JMY: variants seen among roughly 807,000 people sequenced by gnomAD.
JMY encodes the protein junction mediating and regulatory protein, p53 cofactor.
In JMY, 46 loss-of-function variants were observed where a neutral mutation model predicts 103.3. The observed-to-expected ratio is 0.45, with a 90% confidence interval of 0.35 to 0.57. JMY has a LOEUF of 0.57. Among genes scored for constraint, JMY ranks in the 20% least tolerant of loss-of-function variants. The probability of loss-of-function intolerance (pLI) is 0.00; values close to 1 mark genes in which losing one functional copy is unlikely to be tolerated. For synonymous variants in JMY, 526 were observed against 489.3 expected (o/e 1.07, Z -0.99); for missense variants, 1,238 against 1,255.2 (o/e 0.99, Z 0.21).
chr5:79,294,877 A>G (rs1293645403), intron 4 of JMY, among the ~76,000 whole-genome samples: 4 of 151,712 alleles, frequency 2.6e-5, no homozygotes, highest in Non-Finnish European at 5.9e-5. Flanking sequence ...AAAAAAAGGT[A>G]TATCAGTGTG....
chr5:79,272,859 C>T (rs916167060), intron 1 of JMY, among the ~76,000 whole-genome samples: 1 of 152,162 alleles, frequency 6.6e-6, no homozygotes, highest in Non-Finnish European at 1.5e-5. Flanking sequence ...TGGTCTCAAA[C>T]TCCCAACCTC....
intron 2 of JMY, among the ~76,000 whole-genome samples, chr5:79,285,091 T>C (rs768245940): frequency 4.6e-5 from 7 of 152,180 alleles, no homozygotes; most frequent in African/African-American, 9.7e-5. Flanking sequence ...GTCCAACTTA[T>C]TTTTAAATAC....
At position 79,314,701 on chromosome 5, in the gene JMY, C is replaced by G. The variant is rs369411759; in HGVS notation, c.2509C>G (p.Leu837Val). The change falls in exon 9 of 11, where the codon CTG becomes GTG. Residue 837 changes from leucine (L) to valine (V), a missense_variant. Leu to Val is a conservative substitution (Grantham distance 32, BLOSUM62 1). Coordinates refer to ENST00000396137, the MANE Select transcript of JMY (RefSeq NM_152405.5). ...PVAKDSGPET[L>V]EKDLPRKEGN... ...TGCTAAGGACAGTGGCCCAGAGACA[C>G]TGGAGAAAGATCTGCCTAGAAAGGA... 155 of 1,602,216 alleles carry G rather than the reference C, an allele frequency of 9.7e-5. No individual in the cohort carries two copies. Among genetic ancestry groups the G allele is most frequent in the Non-Finnish European group, 1.3e-4 (149 of 1,176,188 alleles).
rs1745988118 is a variant in JMY, at chr5:79,277,898, C to A, written c.1033-12C>A. 1 of 1,601,836 alleles carries A rather than the reference C, an allele frequency of 6.2e-7. No individual in the cohort carries two copies. Among genetic ancestry groups the A allele is most frequent in the East Asian group, 2.2e-5 (1 of 44,606 alleles). On this transcript the variant is annotated splice_polypyrimidine_tract_variant and intron_variant, in intron 1 of 10. Transcript: ENST00000396137. ...TTGATTTTCTTAGTTGTGAAACTGT[C>A]TTGTTCCACAGCTCTTGGATAAGCA...
At chr5:79,257,012 C>CT (rs5868982) in intron 1 of JMY, among the ~76,000 whole-genome samples, 35 of 148,016 alleles carry the variant, frequency 2.4e-4, no homozygotes, top group South Asian at 8.6e-4. Context: ...TCACCACTGC[C>CT]TTTTTTTTTT....
chr5:79,316,111 A>C lies in JMY; in HGVS notation c.2771A>C (p.Asn924Thr). Reference protein sequence around the residue: ...PPFPDEDDSNNILAQIRKGVK... With the variant: ...PPFPDEDDSNTILAQIRKGVK... ...TTTCCTGATGAAGATGATAGTAATA[A>C]TATCTTGGCACAAATAAGGAAAGGG... is the stretch of plus-strand genomic sequence containing the variant. Residue 924 changes from asparagine to threonine, a missense_variant, in exon 10 of 11, where the codon AAT (asparagine) becomes ACT (threonine). Asn to Thr is a moderately conservative substitution (Grantham distance 65). Transcript: ENST00000396137. The C allele has an allele frequency of 6.2e-7, 1 of 1,613,976 alleles. No homozygotes were observed. The highest frequency in any genetic ancestry group is 8.5e-7 in the Non-Finnish European group (1 of 1,179,800).
chr5:79,265,750 T>TCCCA lies in JMY; in HGVS notation c.1033-12155_1033-12152dup, dbSNP rs760365274. Among the ~76,000 whole-genome samples, 119 of 151,534 alleles carry TCCCA rather than the reference T, an allele frequency of 7.9e-4. 1 individual carries two copies. Among genetic ancestry groups the TCCCA allele is most frequent in the Non-Finnish European group, 2.1e-4 (14 of 67,950 alleles). On this transcript the variant is annotated intron_variant, in intron 1 of 10. Transcript: ENST00000396137. ...TGATGACACGGCCTCACCCACTGTT[T>TCCCA]CCCACCCAGATTGCTCATCTGTGAT...
chr5:79,267,570 T>A (rs1160509476), intron 1 of JMY, among the ~76,000 whole-genome samples: 2 of 152,214 alleles, frequency 1.3e-5, no homozygotes, highest in Admixed American at 6.5e-5. Context: ...TCATTTCTTT[T>A]CCCTTTTAAA....
chr5:79,303,340 G>GGT (rs1380676890), intron 6 of JMY, among the ~76,000 whole-genome samples: 1 of 152,170 alleles, frequency 6.6e-6, no homozygotes, highest in Non-Finnish European at 1.5e-5. Flanking sequence ...TGGGATTGCA[G>GGT]GTGTGAGCCA....
intron 4 of JMY, among the ~76,000 whole-genome samples, chr5:79,299,147 C>G (rs1220314849): frequency 6.6e-6 from 1 of 152,204 alleles, no homozygotes; most frequent in Non-Finnish European, 1.5e-5. Context: ...CAGGGCTCCT[C>G]ACTATTGCTC....
At chr5:79,299,985 CATATAT>C in intron 4 of JMY, among the ~76,000 whole-genome samples, 162 bp from the exon 5 acceptor site, 1 of 149,464 alleles carries the variant, frequency 6.7e-6, no homozygotes, top group South Asian at 2.1e-4. Context: ...CTGTTTTATA[CATATAT>C]ATATATATAT....
chr5:79,279,063 A>G (rs768401649), intron 2 of JMY, among the ~76,000 whole-genome samples: 1 of 152,068 alleles, frequency 6.6e-6, no homozygotes, highest in Non-Finnish European at 1.5e-5. Flanking sequence ...TCAGCCAGGC[A>G]TGGATCATGC....
intron 1 of JMY, among the ~76,000 whole-genome samples, chr5:79,273,854 G>A (rs1745856622): frequency 6.6e-6 from 1 of 151,528 alleles, no homozygotes; most frequent in African/African-American, 2.4e-5. Context: ...TTTTTGAGAT[G>A]GAGTCTCGCT....
At chr5:79,248,801 C>G (rs974700688) in intron 1 of JMY, among the ~76,000 whole-genome samples, 1 of 152,110 alleles carries the variant, frequency 6.6e-6, no homozygotes. Flanking sequence ...TCAGCGCAGG[C>G]TGGAATGCAG....
chr5:79,270,677 A>G (rs1745754815), intron 1 of JMY, among the ~76,000 whole-genome samples: 1 of 130,888 alleles, frequency 7.6e-6, no homozygotes, highest in South Asian at 2.3e-4. Context: ...AATATAAAAT[A>G]TATTTATATT....
intron 1 of JMY, among the ~76,000 whole-genome samples, chr5:79,261,479 C>A (rs992117102): frequency 1.3e-5 from 2 of 152,016 alleles, no homozygotes; most frequent in Admixed American, 6.6e-5. Flanking sequence ...ATCACTTAAG[C>A]CCTGGAGGTT....
At chr5:79,267,422 CAG>C (rs1244874644) in intron 1 of JMY, among the ~76,000 whole-genome samples, 1 of 152,144 alleles carries the variant, frequency 6.6e-6, no homozygotes, top group African/African-American at 2.4e-5. Flanking sequence ...CTCTGGCAAC[CAG>C]TGGTCTTTTT....
intron 1 of JMY, among the ~76,000 whole-genome samples, chr5:79,273,448 T>C (rs1373876945): frequency 1.3e-5 from 2 of 152,246 alleles, no homozygotes; most frequent in East Asian, 3.8e-4. Context: ...AATTTCTCTT[T>C]TATTTTTGAG....
At chr5:79,294,296 C>G (rs909119164) in intron 4 of JMY, among the ~76,000 whole-genome samples, 13 of 152,018 alleles carry the variant, frequency 8.6e-5, no homozygotes, top group Admixed American at 7.2e-4. Flanking sequence ...CCCAGCTACT[C>G]TGGAGGCTGA....
Sources: allele counts gnomAD v4.1 joint callset (sites outside exome capture counted in the v4.1 genomes callset), GRCh38; gene constraint gnomAD v4.1.1; transcripts MANE v1.5; gene names NCBI Gene and HGNC (gene_info 2026-07-23, HGNC 2026-07-21).